Variants in GRIA3 observed in about 807,000 individuals in gnomAD.
GRIA3 encodes glutamate ionotropic receptor AMPA type subunit 3.
A neutral mutation model predicts 63.0 loss-of-function variants in GRIA3; 3 were observed. The ratio of observed to expected loss-of-function variants is 0.05; its 90% CI spans 0.02 to 0.12. GRIA3 has a LOEUF of 0.12. GRIA3 is among the 10% of genes least tolerant of loss of function. GRIA3 has a pLI of 1.00. For synonymous variants in GRIA3, 274 were observed against 257.9 expected (o/e 1.06, Z -0.60); for missense variants, 347 against 700.9 (o/e 0.50, Z 5.70).
chrX:123,463,685 A>AAAGAAAGG (rs1569440895), intron 12 of GRIA3, among the ~76,000 whole-genome samples: 3 of 59,406 alleles, frequency 5.0e-5, no homozygotes, highest in African/African-American at 7.6e-5. Flanking sequence ...AGAAAGAAAG[A>AAAGAAAGG]GAGAGAAAGA....
At chrX:123,260,738 C>A (rs553602829) in intron 3 of GRIA3, among the ~76,000 whole-genome samples, 1 of 108,336 alleles carries the variant, frequency 9.2e-6, no homozygotes, top group African/African-American at 3.4e-5. Context: ...GAAGGCCCAG[C>A]GAGTACATTA....
chrX:123,344,767 G>T (rs1485267196), intron 4 of GRIA3, among the ~76,000 whole-genome samples: 1 of 111,514 alleles, frequency 9.0e-6, no homozygotes, highest in African/African-American at 3.3e-5. Context: ...CTCACCATGG[G>T]TGATCCCTAA....
At chrX:123,258,423 G>A (rs1050643459) in intron 3 of GRIA3, among the ~76,000 whole-genome samples, 2 of 112,289 alleles carry the variant, frequency 1.8e-5, no homozygotes, top group African/African-American at 6.5e-5. Flanking sequence ...GGCACCATGA[G>A]TCCAGTTTGT....
chrX:123,398,673 T>C lies in GRIA3; in HGVS notation c.950T>C (p.Ile317Thr). Residue 317 changes from isoleucine (I) to threonine (T), a missense_variant, in exon 7 of 16, where the codon ATA becomes ACA. Physicochemically the swap from Ile to Thr is moderately conservative, Grantham distance 89. Transcript: ENST00000620443. ...TTGACACACGACGCAATACTGGTCA[T>C]AGCAGAAGCTTTCCGCTACCTGAGG... is the stretch of plus-strand genomic sequence containing the variant. ...SALTHDAILVIAEAFRYLRRQ... is the reference protein window; with the variant it reads ...SALTHDAILVTAEAFRYLRRQ... 1 of 1,208,255 alleles carries C rather than the reference T, an allele frequency of 8.3e-7. No homozygotes were observed. The highest frequency in any genetic ancestry group is 1.1e-6 in the Non-Finnish European group (1 of 892,450).
chrX:123,451,505 T>TAAAAAAAAAAAAAAAAA (rs56991039), intron 12 of GRIA3, among the ~76,000 whole-genome samples: 1 of 16,191 alleles, frequency 6.2e-5, no homozygotes, highest in African/African-American at 2.0e-4. Flanking sequence ...ACTCTGTCTC[T>TAAAAAAAAAAAAAAAAA]AAAAAAAAAA....
At chrX:123,270,687 G>A (rs773182039) in intron 3 of GRIA3, among the ~76,000 whole-genome samples, 4 of 112,428 alleles carry the variant, frequency 3.6e-5, no homozygotes, top group South Asian at 7.4e-4. Flanking sequence ...CTGTCTGAGC[G>A]TCTGTAAAAT....
intron 5 of GRIA3, among the ~76,000 whole-genome samples, chrX:123,362,739 A>G (rs2045184824): frequency 9.1e-6 from 1 of 110,300 alleles, no homozygotes; most frequent in East Asian, 2.8e-4. Context: ...AGAGAGAGAG[A>G]GAGAGAGATC....
At chrX:123,380,626 C>T (rs1376127241) in intron 5 of GRIA3, among the ~76,000 whole-genome samples, 1 of 111,899 alleles carries the variant, frequency 8.9e-6, no homozygotes, top group Non-Finnish European at 1.9e-5. Flanking sequence ...GTTTCTTTTG[C>T]TGTGCAGAAG....
At chrX:123,385,973 G>A (rs755591079) in intron 5 of GRIA3, among the ~76,000 whole-genome samples, 3 of 111,867 alleles carry the variant, frequency 2.7e-5, no homozygotes, top group African/African-American at 6.5e-5. Flanking sequence ...TGGATCATAT[G>A]GTAGTTCTAT....
intron 2 of GRIA3, among the ~76,000 whole-genome samples, chrX:123,246,126 C>T (rs1274204689): frequency 9.0e-6 from 1 of 111,575 alleles, no homozygotes; most frequent in Non-Finnish European, 1.9e-5. Flanking sequence ...TCATTTCCAA[C>T]CTTTTGGACT....
chrX:123,248,211 T>C, intron 2 of GRIA3, among the ~76,000 whole-genome samples: 1 of 112,562 alleles, frequency 8.9e-6, no homozygotes, highest in South Asian at 3.7e-4. Context: ...GGCACAGAGA[T>C]ACTAAGTAAC....
intron 3 of GRIA3, among the ~76,000 whole-genome samples, chrX:123,265,147 T>TA (rs749391103): frequency 1.1e-4 from 12 of 110,751 alleles, no homozygotes; most frequent in Non-Finnish European, 1.7e-4. Flanking sequence ...CATGGACATA[T>TA]AAAAAAAAAA....
At chrX:123,377,682 G>A (rs888065831) in intron 5 of GRIA3, among the ~76,000 whole-genome samples, 3 of 111,831 alleles carry the variant, frequency 2.7e-5, no homozygotes, top group African/African-American at 9.7e-5. Context: ...TGAACCATGA[G>A]CCAGCCAATT....
chrX:123,265,756 A>G (rs1018603022), intron 3 of GRIA3, among the ~76,000 whole-genome samples: 1 of 112,411 alleles, frequency 8.9e-6, no homozygotes, highest in African/African-American at 3.2e-5. Flanking sequence ...AACCAGCCAC[A>G]TTGGCTTTGG....
chrX:123,388,109 C>G (rs1398972099), intron 5 of GRIA3, among the ~76,000 whole-genome samples: 1 of 111,868 alleles, frequency 8.9e-6, no homozygotes, highest in Non-Finnish European at 1.9e-5. Context: ...TCTCATTACT[C>G]ATTATTGGTC....
chrX:123,445,325 A>G (rs1809139611), intron 12 of GRIA3, among the ~76,000 whole-genome samples: 1 of 111,735 alleles, frequency 8.9e-6, no homozygotes, highest in Non-Finnish European at 1.9e-5. Flanking sequence ...GCCTTTTATG[A>G]AGACCAGATC....
At chrX:123,308,969 T>C (rs1465131103) in intron 3 of GRIA3, among the ~76,000 whole-genome samples, 3 of 112,555 alleles carry the variant, frequency 2.7e-5, no homozygotes, top group Non-Finnish European at 5.6e-5. Flanking sequence ...ACCTCCTCAG[T>C]GGAGAGCAAT....
intron 5 of GRIA3, among the ~76,000 whole-genome samples, chrX:123,378,037 T>G (rs1227381780): frequency 8.9e-6 from 1 of 112,062 alleles, no homozygotes; most frequent in African/African-American, 3.2e-5. Flanking sequence ...CTATTTCACT[T>G]CACTTTTACA....
chrX:123,207,386 AT>A (rs1189130066), intron 2 of GRIA3, among the ~76,000 whole-genome samples: 1 of 111,601 alleles, frequency 9.0e-6, no homozygotes, highest in Non-Finnish European at 1.9e-5. Flanking sequence ...ACTTAGGTCT[AT>A]TTCACAGATA....
Sources: gnomAD v4.1 joint callset for allele counts (sites outside exome capture counted in the v4.1 genomes callset) on GRCh38, gnomAD v4.1.1 for gene constraint, MANE v1.5 for transcripts, NCBI Gene and HGNC (gene_info 2026-07-23, HGNC 2026-07-21) for gene names.